Variants in FAM240A observed in about 807,000 individuals in gnomAD.
FAM240A encodes family with sequence similarity 240 member A.
FAM240A carries 8 observed loss-of-function variants against 7.3 expected under a neutral mutation model. That is an observed-to-expected ratio of 1.09 (90% CI 0.64 to 1.97). The LOEUF (loss-of-function observed/expected upper bound fraction) is 1.97. Among genes scored for constraint, FAM240A ranks in the 30% most tolerant of loss-of-function variants. The pLI is 0.00. For missense variants in FAM240A, 90 were observed against 102.2 expected (o/e 0.88, Z 0.52); for synonymous variants, 32 against 35.9 (o/e 0.89, Z 0.38).
At chr3:46,620,510 A>G (rs1303307708) in intron 2 of FAM240A, among the ~76,000 whole-genome samples, 1 of 151,458 alleles carries the variant, frequency 6.6e-6, no homozygotes, top group Non-Finnish European at 1.5e-5. Flanking sequence ...AAAAAAAAAA[A>G]AAATCCGGAT....
chr3:46,616,558 CT>C (rs1172725159), intron 1 of FAM240A, among the ~76,000 whole-genome samples: 3 of 152,150 alleles, frequency 2.0e-5, no homozygotes, highest in Non-Finnish European at 4.4e-5. Flanking sequence ...TTAGCTACCA[CT>C]TATAAGTGAG....
At chr3:46,613,033 C>T (rs1253631795) in intron 1 of FAM240A, among the ~76,000 whole-genome samples, 1 of 152,190 alleles carries the variant, frequency 6.6e-6, no homozygotes, top group African/African-American at 2.4e-5. Context: ...TGCTAACAGT[C>T]TCCCAGTAGG....
intron 1 of FAM240A, among the ~76,000 whole-genome samples, chr3:46,613,229 C>A (rs1043036538): frequency 3.3e-5 from 5 of 152,212 alleles, no homozygotes; most frequent in Admixed American, 2.0e-4. Context: ...CACAGTGGCT[C>A]ACACCTGTAA....
chr3:46,616,776 G>C (rs1049641592), intron 1 of FAM240A, among the ~76,000 whole-genome samples: 2 of 151,288 alleles, frequency 1.3e-5, no homozygotes, highest in Admixed American at 6.6e-5. Context: ...CACTTAGTTT[G>C]ACTCCATATC....
chr3:46,613,116 C>T (rs1559437275), intron 1 of FAM240A, among the ~76,000 whole-genome samples: 1 of 152,208 alleles, frequency 6.6e-6, no homozygotes. Context: ...TGAGGAATAA[C>T]TTATGTGTAG....
chr3:46,625,135 G>A lies in FAM240A; in HGVS notation c.169G>A (p.Glu57Lys), dbSNP rs960073519. 13 of 1,534,554 alleles carry A rather than the reference G, an allele frequency of 8.5e-6. No homozygotes were observed. The African/African-American group carries it at 1.6e-4, about 19-fold the overall frequency. ...TTTGGTTTCTATTTTCAGGCTCAGA[G>A]AAGAATGGAAGCAGAGGCTGGAAAC... ...LGRSALRKLR[E>K]EWKQRLETKL... Residue 57 changes from glutamate to lysine, a missense_variant, in exon 3 of 3, where the codon GAA (glutamate) becomes AAA (lysine). Glu to Lys is a moderately conservative substitution (Grantham distance 56). Coordinates refer to ENST00000640551, the MANE Select transcript of FAM240A (RefSeq NM_001195442.2).
intron 2 of FAM240A, among the ~76,000 whole-genome samples, chr3:46,619,683 C>T (rs76581580): frequency 6.6e-6 from 1 of 152,188 alleles, no homozygotes; most frequent in African/African-American, 2.4e-5. Flanking sequence ...GTGCAGATGT[C>T]TTGGCATGCT....
At chr3:46,623,789 A>G (rs1697723837) in intron 2 of FAM240A, among the ~76,000 whole-genome samples, 1 of 152,170 alleles carries the variant, frequency 6.6e-6, no homozygotes. Flanking sequence ...ATTTCTTATA[A>G]GCAGTATATA....
rs1442459778 is a variant in FAM240A, at chr3:46,617,212, G to A, written c.45G>A (p.Glu15=). ...SGMNNQYTRR[E]VFCRNTCHDL... ...TGAACAATCAATACACCCGTCGGGAGGTCTTCTGCCGGAACACCTGCCATG... is the reference window on the plus strand; with the variant it reads ...TGAACAATCAATACACCCGTCGGGAAGTCTTCTGCCGGAACACCTGCCATG... Residue 15 remains glutamate (E), a synonymous_variant, in exon 2 of 3, where the codon GAG becomes GAA. Coordinates refer to ENST00000640551, the MANE Select transcript of FAM240A (RefSeq NM_001195442.2). 6.5e-7 allele frequency: 1 copy of A among 1,534,332 alleles called. No homozygotes were observed. Among genetic ancestry groups the A allele is most frequent in the Non-Finnish European group, 8.7e-7 (1 of 1,146,226 alleles).
rs916826673 is a variant in FAM240A, at chr3:46,625,822, T to C, written c.*604T>C. 3 of 152,228 alleles carry C rather than the reference T, an allele frequency of 2.0e-5. No individual in the cohort carries two copies. The highest frequency in any genetic ancestry group is 4.4e-5 in the Non-Finnish European group (3 of 68,046). 9.4% of individuals were successfully genotyped at this position (152,228 alleles called of 1,614,324 possible). On this transcript the variant is annotated 3_prime_UTR_variant, in exon 3 of 3. Transcript: ENST00000640551. Reference sequence around the variant, plus strand: ...AATATCAGAATAATTTTAATAAAACTTGGTTGTCCTGTCATCACTATGCAC... The same window carrying C: ...AATATCAGAATAATTTTAATAAAACCTGGTTGTCCTGTCATCACTATGCAC...
chr3:46,621,066 G>A (rs1188253819), intron 2 of FAM240A, among the ~76,000 whole-genome samples: 1 of 151,992 alleles, frequency 6.6e-6, no homozygotes, highest in Non-Finnish European at 1.5e-5. Flanking sequence ...TTGTATGCTT[G>A]AAATCTTCTA....
At chr3:46,619,064 T>G (rs148092183) in intron 2 of FAM240A, among the ~76,000 whole-genome samples, 3,936 of 152,146 alleles carry the variant, frequency 0.026, 71 homozygotes, top group Non-Finnish European at 0.04. Context: ...GAGGCTCTGC[T>G]CTAATTAATA....
intron 2 of FAM240A, among the ~76,000 whole-genome samples, chr3:46,623,339 A>G (rs1329688066): frequency 6.6e-6 from 1 of 152,182 alleles, no homozygotes; most frequent in Non-Finnish European, 1.5e-5. Flanking sequence ...CTTCGTAAAT[A>G]TTCCATGTAT....
intron 2 of FAM240A, among the ~76,000 whole-genome samples, chr3:46,617,819 G>T (rs542390731): frequency 1.3e-5 from 2 of 152,184 alleles, no homozygotes; most frequent in African/African-American, 4.8e-5. Flanking sequence ...ACACAAGATG[G>T]CCTGCGTGGT....
At chr3:46,613,079 CAGA>C (rs1015959172) in intron 1 of FAM240A, among the ~76,000 whole-genome samples, 31 of 152,326 alleles carry the variant, frequency 2.0e-4, no homozygotes, top group African/African-American at 7.5e-4. Flanking sequence ...AGTCCAAAGA[CAGA>C]AGAAGCTTTT....
In FAM240A at chr3:46,626,253, A is replaced by T. The variant is rs1290516465; in HGVS notation, c.*1035A>T. 6.6e-6 allele frequency: 1 copy of T among 152,166 alleles called. No homozygotes were observed. Among genetic ancestry groups the T allele is most frequent in the East Asian group, 1.9e-4 (1 of 5,204 alleles). 9.4% of individuals were successfully genotyped at this position (152,166 alleles called of 1,614,324 possible). On this transcript the variant is annotated 3_prime_UTR_variant, in exon 3 of 3. Coordinates refer to ENST00000640551, the MANE Select transcript of FAM240A (RefSeq NM_001195442.2). Reference sequence around the variant, plus strand: ...GAGAATGACATTATGGTCTAAGAAGAATGTGTGTTCGGAGTCCCAAGCTAA... The same window carrying T: ...GAGAATGACATTATGGTCTAAGAAGTATGTGTGTTCGGAGTCCCAAGCTAA...
chr3:46,619,602 A>G lies in FAM240A; in HGVS notation c.161+2274A>G, dbSNP rs565893393. Among the ~76,000 whole-genome samples the G allele has an allele frequency of 3.9e-5, 6 of 152,286 alleles. No individual in the cohort carries two copies. In the South Asian group the frequency reaches 1.2e-3, roughly 32 times the overall value. ...ACAGGATCTGAGCGTTTCTTTCTGC[A>G]GTCTTCTGGGGGTCCCAGCTTCAGA... On this transcript the variant is annotated intron_variant, in intron 2 of 2. Transcript: ENST00000640551.
At chr3:46,619,985 A>G (rs749271338) in intron 2 of FAM240A, among the ~76,000 whole-genome samples, 1 of 152,192 alleles carries the variant, frequency 6.6e-6, no homozygotes, top group Non-Finnish European at 1.5e-5. Context: ...ACTGGATCCA[A>G]GAAAACCACG....
At chr3:46,618,737 G>T (rs1001306169) in intron 2 of FAM240A, among the ~76,000 whole-genome samples, 3 of 151,930 alleles carry the variant, frequency 2.0e-5, no homozygotes, top group Non-Finnish European at 2.9e-5. Context: ...CTACTCGGGA[G>T]GCTGAGGCAG....
Sources: allele counts gnomAD v4.1 joint callset (sites outside exome capture counted in the v4.1 genomes callset), GRCh38; gene constraint gnomAD v4.1.1; transcripts MANE v1.5; gene names NCBI Gene and HGNC (gene_info 2026-07-23, HGNC 2026-07-21).